EDIL3: variants seen among roughly 807,000 people sequenced by gnomAD.
EDIL3 encodes the protein EGF-like repeat and discoidin I-like domain-containing protein 3.
In EDIL3, 37 loss-of-function variants were observed where a neutral mutation model predicts 67.4. The ratio of observed to expected loss-of-function variants is 0.55; its 90% CI spans 0.42 to 0.72. The LOEUF is 0.72. Ranked by LOEUF, EDIL3 falls within the 30% of genes least tolerant of loss-of-function variation. EDIL3 has a pLI of 0.00. For missense variants in EDIL3, 527 were observed against 586.3 expected (o/e 0.90, Z 1.04); for synonymous variants, 195 against 196.3 (o/e 0.99, Z 0.05).
intron 1 of EDIL3, among the ~76,000 whole-genome samples, chr5:84,286,342 A>G (rs1018518791): frequency 6.6e-6 from 1 of 152,190 alleles, no homozygotes. Flanking sequence ...AAAAAGCCAT[A>G]GATGTCCACG....
intron 2 of EDIL3, among the ~76,000 whole-genome samples, chr5:84,251,970 T>C (rs1246339823): frequency 1.3e-5 from 2 of 152,162 alleles, no homozygotes; most frequent in Non-Finnish European, 2.9e-5. Flanking sequence ...ACAGTATAAC[T>C]ATCCAATTTC....
At chr5:84,176,208 T>TATATATATAATATATATA in intron 4 of EDIL3, among the ~76,000 whole-genome samples, 2 of 32,978 alleles carry the variant, frequency 6.1e-5, no homozygotes, top group African/African-American at 1.7e-4. Flanking sequence ...AATATATATA[T>TATATATATAATATATATA]ATATATATAT....
At chr5:84,186,935 G>C (rs1240242233) in intron 3 of EDIL3, among the ~76,000 whole-genome samples, 1 of 152,034 alleles carries the variant, frequency 6.6e-6, no homozygotes, top group Non-Finnish European at 1.5e-5. Flanking sequence ...GCATACAGAA[G>C]AAGTATACAG....
intron 1 of EDIL3, among the ~76,000 whole-genome samples, chr5:84,342,363 C>A (rs540065375): frequency 2.6e-5 from 4 of 151,860 alleles, no homozygotes; most frequent in Non-Finnish European, 5.9e-5. Flanking sequence ...ATGACAAATA[C>A]GTTTGCACCA....
rs367801538 is a variant in EDIL3 at position 84,346,258 on chromosome 5, C to A, written c.67+38050G>T. Among the ~76,000 whole-genome samples the A allele has an allele frequency of 2.3e-4, 35 of 151,456 alleles. 1 individual carries two copies. The highest frequency in any genetic ancestry group is 8.2e-4 in the African/African-American group (34 of 41,226). ...TCCCGGGTTCAAGCGATTCCCCTGC[C>A]TCAGCCTCCCGCAAACTTTTTTAAA... On this transcript the variant is annotated intron_variant, in intron 1 of 10. Transcript: ENST00000296591.
intron 9 of EDIL3, among the ~76,000 whole-genome samples, chr5:84,050,041 T>C (rs570569762): frequency 6.6e-6 from 1 of 151,224 alleles, no homozygotes; most frequent in South Asian, 2.1e-4. Flanking sequence ...CTACTAAAAA[T>C]ACAAAAATTA....
chr5:84,111,251 C>G (rs967436216), intron 5 of EDIL3, among the ~76,000 whole-genome samples: 2 of 152,166 alleles, frequency 1.3e-5, no homozygotes, highest in African/African-American at 4.8e-5. Flanking sequence ...TACCCAGTCT[C>G]AGGTAGTTCT....
intron 3 of EDIL3, among the ~76,000 whole-genome samples, chr5:84,190,501 A>G (rs1046306214): frequency 6.6e-6 from 1 of 151,430 alleles, no homozygotes; most frequent in Non-Finnish European, 1.5e-5. Context: ...TAGACAGGGC[A>G]TAAGTTAAAG....
intron 9 of EDIL3, among the ~76,000 whole-genome samples, chr5:83,967,771 G>C (rs938988195): frequency 6.6e-6 from 1 of 152,060 alleles, no homozygotes; most frequent in Non-Finnish European, 1.5e-5. Flanking sequence ...GTTGATTTTC[G>C]TGAAGACATT....
intron 1 of EDIL3, among the ~76,000 whole-genome samples, chr5:84,267,830 AC>A (rs1455292786): frequency 6.6e-6 from 1 of 152,226 alleles, no homozygotes; most frequent in East Asian, 1.9e-4. Flanking sequence ...CTGAGGTTGC[AC>A]ATCTCAGTAA....
At chr5:84,024,793 C>A (rs434353) in intron 9 of EDIL3, among the ~76,000 whole-genome samples, 2 of 151,800 alleles carry the variant, frequency 1.3e-5, no homozygotes, top group Non-Finnish European at 2.9e-5. Context: ...AAGAACACAA[C>A]TTCTTTCTAT....
chr5:84,104,237 G>A (rs140815620), intron 6 of EDIL3, among the ~76,000 whole-genome samples: 60 of 152,022 alleles, frequency 3.9e-4, no homozygotes, highest in Non-Finnish European at 7.8e-4. Context: ...TGAGGGTGAA[G>A]GATGGGAGGA....
intron 1 of EDIL3, among the ~76,000 whole-genome samples, chr5:84,261,467 G>A (rs983443561): frequency 2.0e-5 from 3 of 152,168 alleles, no homozygotes; most frequent in African/African-American, 7.2e-5. Flanking sequence ...GCTTATGAGT[G>A]TGGCCAATTT....
At chr5:84,257,543 A>G (rs1198163048) in intron 1 of EDIL3, among the ~76,000 whole-genome samples, 1 of 152,220 alleles carries the variant, frequency 6.6e-6, no homozygotes, top group East Asian at 1.9e-4. Context: ...TTTTGACCAA[A>G]TTGATCCAGG....
At chr5:84,094,203 T>G (rs1215649268) in intron 6 of EDIL3, among the ~76,000 whole-genome samples, 1 of 152,198 alleles carries the variant, frequency 6.6e-6, no homozygotes, top group Admixed American at 6.5e-5. Context: ...AAAAGAAACA[T>G]CTGTTTAAAA....
intron 1 of EDIL3, among the ~76,000 whole-genome samples, chr5:84,280,944 T>C (rs1466735482): frequency 2.6e-5 from 2 of 77,596 alleles, no homozygotes; most frequent in African/African-American, 1.2e-4. Flanking sequence ...AGCAAGACTC[T>C]GTCAAAAAAA....
chr5:83,955,808 C>G (rs1337334341), intron 10 of EDIL3, among the ~76,000 whole-genome samples: 4 of 151,672 alleles, frequency 2.6e-5, no homozygotes, highest in Non-Finnish European at 4.4e-5. Flanking sequence ...TGTCTTTTAA[C>G]GATGAAGGTT....
chr5:84,189,516 G>T (rs1274590543), intron 3 of EDIL3, among the ~76,000 whole-genome samples: 1 of 151,868 alleles, frequency 6.6e-6, no homozygotes, highest in Non-Finnish European at 1.5e-5. Context: ...TGACTTTAAA[G>T]AAAATTAATA....
chr5:84,221,123 T>C (rs567882978), intron 3 of EDIL3, among the ~76,000 whole-genome samples: 1 of 152,282 alleles, frequency 6.6e-6, no homozygotes, highest in Admixed American at 6.5e-5. Context: ...CAATACATAA[T>C]AACTATTTTT....
Sources: gnomAD v4.1 joint callset for allele counts (sites outside exome capture counted in the v4.1 genomes callset) on GRCh38, gnomAD v4.1.1 for gene constraint, MANE v1.5 for transcripts, NCBI Gene and HGNC (gene_info 2026-07-23, HGNC 2026-07-21) for gene names.